FSD2: variants seen among roughly 807,000 people sequenced by gnomAD.
The protein encoded by FSD2 is fibronectin type III and SPRY domain-containing protein 2.
Under a neutral mutation model 80.4 loss-of-function variants are expected in FSD2, and 71 were observed. The observed-to-expected ratio is 0.88, with a 90% CI of 0.73 to 1.08. FSD2 has a LOEUF of 1.08. Ranked by LOEUF, FSD2 falls within the 50% of genes least tolerant of loss-of-function variation. The pLI is 0.00. For synonymous variants in FSD2, 361 were observed against 329.5 expected (o/e 1.10, Z -1.03); for missense variants, 923 against 913.8 (o/e 1.01, Z -0.13).
intron 3 of FSD2, among the ~76,000 whole-genome samples, chr15:82,785,044 C>A (rs1047756242): frequency 5.9e-5 from 9 of 152,114 alleles, no homozygotes; most frequent in African/African-American, 2.2e-4. Context: ...AAGGCTGAAC[C>A]GTGAAAGAGG....
chr15:82,782,723 TA>T (rs2049897663), intron 4 of FSD2, 71 bp downstream of exon 4: 5 of 1,312,592 alleles, frequency 3.8e-6, no homozygotes, highest in Non-Finnish European at 5.4e-6. Context: ...ACCTCAACCA[TA>T]ACTGTCGTTT....
At chr15:82,797,742 G>A (rs950952352) in intron 1 of FSD2, among the ~76,000 whole-genome samples, 13 of 152,086 alleles carry the variant, frequency 8.5e-5, no homozygotes, top group Admixed American at 5.9e-4. Context: ...CCTGGGAGGC[G>A]GAGGTTGCAG....
chr15:82,776,945 A>G (rs987746440), intron 6 of FSD2, among the ~76,000 whole-genome samples: 1 of 152,244 alleles, frequency 6.6e-6, no homozygotes, highest in African/African-American at 2.4e-5. Flanking sequence ...GATCTTTGCT[A>G]AGGGTGACAA....
chr15:82,789,198 C>A (rs2050079775), intron 1 of FSD2, among the ~76,000 whole-genome samples: 1 of 151,912 alleles, frequency 6.6e-6, no homozygotes, highest in Admixed American at 6.6e-5. Flanking sequence ...ATGTACACTA[C>A]ATAGAATACA....
In FSD2 at chr15:82,772,079, G is replaced by A; in HGVS notation, c.1261C>T (p.Gln421Ter). 1 of 1,565,664 alleles carries A rather than the reference G, an allele frequency of 6.4e-7. No individual in the cohort carries two copies. The highest frequency in any genetic ancestry group is 2.0e-5 in the Admixed American group (1 of 50,170). ...GTTCCTGGCAGAGCCTCACCTGCTTGGTCCGTCCCAGGTGAGCTGTCCTGC... is the reference window on the plus strand; with the variant it reads ...GTTCCTGGCAGAGCCTCACCTGCTTAGTCCGTCCCAGGTGAGCTGTCCTGC... ...PVQDSSPGTD[Q>*]AEFTVTVKET... Residue 421 changes from glutamine to a stop codon, truncating the protein, a stop_gained, in exon 7 of 13, where the codon CAA becomes TAA. Coordinates refer to ENST00000334574, the MANE Select transcript of FSD2 (RefSeq NM_001007122.4). LOFTEE classifies it high-confidence loss of function.
rs1382617015 is a variant in FSD2 at position 82,762,148 on chromosome 15, C to T, written c.1951G>A (p.Ala651Thr). The T allele has an allele frequency of 6.8e-6, 11 of 1,611,098 alleles. No homozygotes were observed. The highest frequency in any genetic ancestry group is 5.0e-5 in the Admixed American group (3 of 59,510). ...ADVRKQEDLG[A>T]NCLSWCMRHT... ...CTCATGCACCAGGAGAGGCAATTTG[C>T]TCCCAGATCCTCCTGTTTACGGACA... Residue 651 changes from alanine (A) to threonine (T), a missense_variant, in exon 12 of 13, where the codon GCA (alanine) becomes ACA (threonine). Physicochemically the swap from Ala to Thr is moderately conservative, Grantham distance 58. Coordinates refer to ENST00000334574, the MANE Select transcript of FSD2 (RefSeq NM_001007122.4).
intron 8 of FSD2, among the ~76,000 whole-genome samples, chr15:82,769,321 G>A (rs1164387029): frequency 6.6e-6 from 1 of 152,088 alleles, no homozygotes; most frequent in Non-Finnish European, 1.5e-5. Flanking sequence ...TGTGATCCCA[G>A]CACTTTGGGA....
rs746519048 is a variant in FSD2 at position 82,786,874 on chromosome 15, C to G, written c.517G>C (p.Glu173Gln). The change falls in exon 2 of 13, where the codon GAA becomes CAA. Residue 173 changes from glutamate (E) to glutamine (Q), a missense_variant. By Grantham distance (29) the Glu-to-Gln change is conservative. Coordinates refer to ENST00000334574, the MANE Select transcript of FSD2 (RefSeq NM_001007122.4). ...CYVIPEEEDEEEAADVFCVTC... is the reference protein window; with the variant it reads ...CYVIPEEEDEQEAADVFCVTC... ...ACACAGAAGACATCAGCAGCTTCTT[C>G]TTCATCCTCTTCCTCGGGGATGACA... 1 of 1,614,020 alleles carries G rather than the reference C, an allele frequency of 6.2e-7. No homozygotes were observed.
chr15:82,799,973 C>T (rs1352916169), intron 1 of FSD2, among the ~76,000 whole-genome samples: 1 of 152,204 alleles, frequency 6.6e-6, no homozygotes, highest in Non-Finnish European at 1.5e-5. Context: ...CCATGAATGT[C>T]TGTGATGTCC....
At chr15:82,797,278 C>A (rs1047222294) in intron 1 of FSD2, among the ~76,000 whole-genome samples, 2 of 152,148 alleles carry the variant, frequency 1.3e-5, no homozygotes, top group Non-Finnish European at 2.9e-5. Flanking sequence ...AGAAAGAGTT[C>A]AAAAATGTGA....
intron 8 of FSD2, among the ~76,000 whole-genome samples, chr15:82,769,308 G>C (rs952126644): frequency 6.6e-6 from 1 of 152,048 alleles, no homozygotes; most frequent in Non-Finnish European, 1.5e-5. Flanking sequence ...AGTGGCTCAC[G>C]CCTGTGATCC....
chr15:82,791,520 G>C (rs1396868000), intron 1 of FSD2, among the ~76,000 whole-genome samples: 1 of 152,016 alleles, frequency 6.6e-6, no homozygotes, highest in Non-Finnish European at 1.5e-5. Flanking sequence ...ACAGGCACTT[G>C]CCGCCATGCC....
intron 12 of FSD2, among the ~76,000 whole-genome samples, chr15:82,760,798 G>A (rs2049279249): frequency 6.6e-6 from 1 of 151,940 alleles, no homozygotes; most frequent in Admixed American, 6.6e-5. Flanking sequence ...TCTAGCACTT[G>A]GACTGTAGCT....
chr15:82,774,719 CTT>C (rs58976684), intron 6 of FSD2, among the ~76,000 whole-genome samples: 2 of 145,188 alleles, frequency 1.4e-5, no homozygotes, highest in East Asian at 2.0e-4. Context: ...TTTCTAAATC[CTT>C]TTTTTTTTTT....
Position 82,755,609 on chromosome 15 carries a change from CAGTAA to C in FSD2, c.*3734_*3738del, listed in dbSNP as rs2049159786. The C allele has an allele frequency of 1.4e-5, 2 of 146,534 alleles. No individual in the cohort carries two copies. The highest frequency in any genetic ancestry group is 4.3e-4 in the South Asian group (2 of 4,702). 9.1% of individuals were successfully genotyped at this position (146,534 alleles called of 1,614,324 possible). A position where few individuals can be genotyped will look rare whatever the true frequency, so the allele number is the denominator to read the frequency against. ...GGAACTGGTGATAGCAGAAAACAAG[CAGTAA>C]AGTAGTCAGACATGATATACTTGAC... On this transcript the variant is annotated 3_prime_UTR_variant, in exon 13 of 13. Coordinates refer to ENST00000334574, the MANE Select transcript of FSD2 (RefSeq NM_001007122.4).
chr15:82,800,530 A>G (rs1239902165), intron 1 of FSD2, among the ~76,000 whole-genome samples: 1 of 151,850 alleles, frequency 6.6e-6, no homozygotes, highest in Non-Finnish European at 1.5e-5. Flanking sequence ...CGTCTCTACT[A>G]AAAATACAAA....
At chr15:82,774,503 T>C (rs2049665482) in intron 6 of FSD2, among the ~76,000 whole-genome samples, 1 of 152,178 alleles carries the variant, frequency 6.6e-6, no homozygotes, top group Non-Finnish European at 1.5e-5. Context: ...AAACCAAGAC[T>C]CAGAGAGGTT....
At chr15:82,775,388 ACT>A (rs1357576954) in intron 6 of FSD2, among the ~76,000 whole-genome samples, 1 of 149,990 alleles carries the variant, frequency 6.7e-6, no homozygotes, top group African/African-American at 2.4e-5. Flanking sequence ...ACAGTGTGAG[ACT>A]CTGTCTCAAA....
At position 82,786,606 on chromosome 15, in the gene FSD2, C is replaced by A. The variant is rs1257916764; in HGVS notation, c.640G>T (p.Asp214Tyr). ...TTGTACATGTTTTTGTGAATTTCAT[C>A]CTATCCAACAGAGGATCACAAAGAA... ...PLNEALESAK[D>Y]EIHKNMYKLE... The change falls in exon 3 of 13, where the codon GAT (aspartate) becomes TAT (tyrosine). Residue 214 changes from aspartate (D) to tyrosine (Y), a missense_variant and splice_region_variant. Coordinates refer to ENST00000334574, the MANE Select transcript of FSD2 (RefSeq NM_001007122.4). 22 of 1,612,804 alleles carry A rather than the reference C, an allele frequency of 1.4e-5. No individual in the cohort carries two copies. Among genetic ancestry groups the A allele is most frequent in the Non-Finnish European group, 1.9e-5 (22 of 1,179,050 alleles).
Sources: gnomAD v4.1 joint callset for allele counts (sites outside exome capture counted in the v4.1 genomes callset) on GRCh38, gnomAD v4.1.1 for gene constraint, MANE v1.5 for transcripts, NCBI Gene and HGNC (gene_info 2026-07-23, HGNC 2026-07-21) for gene names.